NUFIP2: variants seen among roughly 807,000 people sequenced by gnomAD.
The protein encoded by NUFIP2 is nuclear FMR1 interacting protein 2.
NUFIP2 carries 6 observed loss-of-function variants against 56.9 expected under a neutral mutation model. The observed-to-expected ratio is 0.11, with a 90% confidence interval of 0.06 to 0.21. NUFIP2 has a LOEUF of 0.21. NUFIP2 is among the 10% of genes least tolerant of loss of function. The probability of loss-of-function intolerance (pLI) is 1.00; values close to 1 mark genes in which losing one functional copy is unlikely to be tolerated. For missense variants in NUFIP2, 828 were observed against 826.8 expected, an observed-to-expected ratio of 1.00 and a Z score of -0.02; for synonymous variants, 321 against 298.2, an observed-to-expected ratio of 1.08 and a Z score of -0.79.
chr17:29,267,568 G>A, intron 2 of NUFIP2, 38 bp from the exon 3 acceptor site: 1 of 1,307,410 alleles, frequency 7.6e-7, no homozygotes, highest in Non-Finnish European at 1.1e-6. Context: ...CTAAGTTTTG[G>A]TGAGCAAAGT....
intron 2 of NUFIP2, among the ~76,000 whole-genome samples, chr17:29,279,408 T>C (rs1432455690): frequency 6.6e-6 from 1 of 152,196 alleles, no homozygotes; most frequent in East Asian, 1.9e-4. Context: ...AGACCTTTAT[T>C]ATACCTCTGC....
At chr17:29,274,364 TCAG>T (rs2069094750) in intron 2 of NUFIP2, among the ~76,000 whole-genome samples, 1 of 152,138 alleles carries the variant, frequency 6.6e-6, no homozygotes, top group African/African-American at 2.4e-5. Flanking sequence ...TCTCAGCTAC[TCAG>T]GAGGCTGAAG....
At chr17:29,293,148 G>C (rs1326257003) in intron 1 of NUFIP2, among the ~76,000 whole-genome samples, 2 of 151,736 alleles carry the variant, frequency 1.3e-5, no homozygotes, top group Non-Finnish European at 2.9e-5. Context: ...GGCCTCGGGA[G>C]GAGCCGCGGG....
intron 3 of NUFIP2, among the ~76,000 whole-genome samples, chr17:29,265,843 TATA>T (rs1389620220): frequency 6.6e-6 from 1 of 151,764 alleles, no homozygotes; most frequent in Admixed American, 6.6e-5. Context: ...CCAGAGATAA[TATA>T]ATAATATCCT....
At chr17:29,288,314 G>A (rs1335944847) in intron 1 of NUFIP2, among the ~76,000 whole-genome samples, 2 of 152,260 alleles carry the variant, frequency 1.3e-5, no homozygotes, top group Non-Finnish European at 2.9e-5. Flanking sequence ...CGAAGTGCTA[G>A]GATTACAGGC....
intron 1 of NUFIP2, among the ~76,000 whole-genome samples, chr17:29,288,808 AAAC>A (rs1158987042): frequency 2.6e-5 from 4 of 152,352 alleles, no homozygotes; most frequent in African/African-American, 9.6e-5. Flanking sequence ...TTTACTAACA[AAAC>A]AACAATAAAA....
chr17:29,273,607 A>T (rs1173466442), intron 2 of NUFIP2, among the ~76,000 whole-genome samples: 1 of 152,196 alleles, frequency 6.6e-6, no homozygotes, highest in East Asian at 1.9e-4. Flanking sequence ...TTTATTGAGA[A>T]ATGCTCACAG....
Position 29,259,746 on chromosome 17 carries a change from A to G in NUFIP2, c.*4793T>C, listed in dbSNP as rs1342671491. 1 of 152,250 alleles carries G rather than the reference A, an allele frequency of 6.6e-6. No homozygotes were observed. Among genetic ancestry groups the G allele is most frequent in the African/African-American group, 2.4e-5 (1 of 41,458 alleles). 9.4% of individuals were successfully genotyped at this position (152,250 alleles called of 1,614,324 possible). A position where few individuals can be genotyped will look rare whatever the true frequency, so the allele number is the denominator to read the frequency against. On this transcript the variant is annotated 3_prime_UTR_variant, in exon 4 of 4. Coordinates refer to ENST00000225388, the MANE Select transcript of NUFIP2 (RefSeq NM_020772.3). ...GCCCATAACTGATTTACCATTCCCA[A>G]TAATGCAAGAGCAACATACCAATCA...
rs998787637 is a variant in NUFIP2 at position 29,260,088 on chromosome 17, A to G, written c.*4451T>C. Reference sequence around the variant, plus strand: ...AAAATAACATCGATATTAAGAACTAATGTTAAGCTATGTGCCTCTGGCAAA... The same window carrying G: ...AAAATAACATCGATATTAAGAACTAGTGTTAAGCTATGTGCCTCTGGCAAA... On this transcript the variant is annotated 3_prime_UTR_variant, in exon 4 of 4. Transcript: ENST00000225388. 2.0e-5 allele frequency: 3 copies of G among 152,268 alleles called. No individual in the cohort carries two copies. Among genetic ancestry groups the G allele is most frequent in the African/African-American group, 7.2e-5 (3 of 41,476 alleles). 9.4% of individuals were successfully genotyped at this position (152,268 alleles called of 1,614,324 possible).
rs988477399 is a variant in NUFIP2, at chr17:29,261,203, A to T, written c.*3336T>A. 1.3e-5 allele frequency: 2 copies of T among 152,124 alleles called. No homozygotes were observed. Among genetic ancestry groups the T allele is most frequent in the African/African-American group, 2.4e-5 (1 of 41,434 alleles). The allele number at this position is 152,124 out of a possible 1,614,324, so 9.4% of individuals were successfully genotyped here. On this transcript the variant is annotated 3_prime_UTR_variant, in exon 4 of 4. Coordinates refer to ENST00000225388, the MANE Select transcript of NUFIP2 (RefSeq NM_020772.3). ...CATAATTAGTATCTTCATAGCTATTAAAAAAATAGGTCATAATTTCATTCT... is the reference window on the plus strand; with the variant it reads ...CATAATTAGTATCTTCATAGCTATTTAAAAAATAGGTCATAATTTCATTCT...
intron 1 of NUFIP2, among the ~76,000 whole-genome samples, chr17:29,289,593 C>CA (rs1357033731): frequency 5.3e-5 from 8 of 151,414 alleles, no homozygotes; most frequent in African/African-American, 1.9e-4. Context: ...ATTCCACTTC[C>CA]AAAAAAAAGA....
rs1333320485 is a variant in NUFIP2, at chr17:29,278,012, AAAAGGG to A, written c.2002+7974_2002+7979del. On this transcript the variant is annotated intron_variant, in intron 2 of 3. Coordinates refer to ENST00000225388, the MANE Select transcript of NUFIP2 (RefSeq NM_020772.3). ...GGGCAACGAGAGTGAAACTCAATCAAAAAGGGAAAGGGAAAGAAAAGAAAAAGAAAT... is the reference window on the plus strand; with the variant it reads ...GGGCAACGAGAGTGAAACTCAATCAAAAAGGGAAAGAAAAGAAAAAGAAAT... Among the ~76,000 whole-genome samples the A allele has an allele frequency of 2.0e-4, 30 of 152,226 alleles. 1 individual carries two copies. The South Asian group carries it at 6.0e-3, about 31-fold the overall frequency.
Position 29,287,481 on chromosome 17 carries a change from T to C in NUFIP2, c.513A>G (p.Lys171=), listed in dbSNP as rs1567681912. 21 of 1,614,144 alleles carry C rather than the reference T, an allele frequency of 1.3e-5. No homozygotes were observed. The highest frequency in any genetic ancestry group is 1.7e-5 in the Non-Finnish European group (20 of 1,179,998). Residue 171 remains lysine, a synonymous_variant, in exon 2 of 4, where the codon AAA becomes AAG. Transcript: ENST00000225388. The part of the protein sequence containing the change: ...DKKNGKSYEN[K]SGENQSVDKS... ...TATCTACAGACTGATTCTCTCCAGA[T>C]TTATTTTCATAAGACTTCCCATTCT...
intron 2 of NUFIP2, among the ~76,000 whole-genome samples, chr17:29,276,136 G>C (rs78099465): frequency 0.017 from 2,517 of 151,862 alleles, 68 homozygotes; most frequent in African/African-American, 0.058. Context: ...TTGAATTTGT[G>C]TCTCCTAGCA....
chr17:29,270,277 T>C (rs1251678055), intron 2 of NUFIP2, among the ~76,000 whole-genome samples: 53 of 142,318 alleles, frequency 3.7e-4, no homozygotes, highest in Non-Finnish European at 1.4e-4. Context: ...ATTCCCTTTC[T>C]CCTGAGAGGT....
Position 29,287,641 on chromosome 17 carries a change from T to C in NUFIP2, c.353A>G (p.Asn118Ser), listed in dbSNP as rs2069186121. Residue 118 changes from asparagine (N) to serine (S), a missense_variant, in exon 2 of 4, where the codon AAC becomes AGC. Asn to Ser is a conservative substitution (Grantham distance 46). Coordinates refer to ENST00000225388, the MANE Select transcript of NUFIP2 (RefSeq NM_020772.3). ...GCCATTGAGGACCCTGGAAATAGGG[T>C]TGGTGGCTTCATCAGAACTCAGGTT... is the stretch of plus-strand genomic sequence containing the variant. ...LKNLSSDEAT[N>S]PISRVLNGNQ... 3 of 1,613,830 alleles carry C rather than the reference T, an allele frequency of 1.9e-6. No homozygotes were observed. The highest frequency in any genetic ancestry group is 1.3e-5 in the African/African-American group (1 of 74,868).
intron 1 of NUFIP2, 96 bp from the exon 2 acceptor site, chr17:29,287,812 A>T: frequency 1.7e-6 from 2 of 1,168,324 alleles, no homozygotes; most frequent in South Asian, 3.3e-5. Context: ...TATGCTAGAC[A>T]CTATGCTATG....
chr17:29,261,082 T>C lies in NUFIP2; in HGVS notation c.*3457A>G, dbSNP rs571667723. The C allele has an allele frequency of 1.8e-4, 27 of 152,210 alleles. 1 individual carries two copies. The highest frequency in any genetic ancestry group is 6.5e-4 in the African/African-American group (27 of 41,552). The allele number at this position is 152,210 out of a possible 1,614,324, so 9.4% of individuals were successfully genotyped here. A position where few individuals can be genotyped will look rare whatever the true frequency, so the allele number is the denominator to read the frequency against. ...AGAAAGATAATACACCCTGTGTATT[T>C]TGTGGGAAAAGGGGATTATTGAGGA... On this transcript the variant is annotated 3_prime_UTR_variant, in exon 4 of 4. Coordinates refer to ENST00000225388, the MANE Select transcript of NUFIP2 (RefSeq NM_020772.3).
chr17:29,283,752 G>A (rs758503972), intron 2 of NUFIP2, among the ~76,000 whole-genome samples: 20 of 152,150 alleles, frequency 1.3e-4, no homozygotes, highest in Non-Finnish European at 2.8e-4. Context: ...TCCTGGCAGA[G>A]GTTAACTAAT....
Sources: gnomAD v4.1 joint callset for allele counts (sites outside exome capture counted in the v4.1 genomes callset) on GRCh38, gnomAD v4.1.1 for gene constraint, MANE v1.5 for transcripts, NCBI Gene and HGNC (gene_info 2026-07-23, HGNC 2026-07-21) for gene names.